UNC13C: variants seen among roughly 807,000 people sequenced by gnomAD.
The protein encoded by UNC13C is protein unc-13 homolog C.
In UNC13C, 174 loss-of-function variants were observed where a neutral mutation model predicts 245.4. The ratio of observed to expected loss-of-function variants is 0.71; its 90% CI spans 0.63 to 0.80. The LOEUF (loss-of-function observed/expected upper bound fraction) is 0.80, where lower values mean the gene tolerates loss of function less well. UNC13C is among the 30% of genes least tolerant of loss of function. The pLI is 0.00. For synonymous variants in UNC13C, 992 were observed against 895.1 expected, an observed-to-expected ratio of 1.11 and a Z score of -1.93; for missense variants, 2,829 against 2,602.9, an observed-to-expected ratio of 1.09 and a Z score of -1.89.
chr15:54,312,043 G>A (rs1177530468), intron 13 of UNC13C, among the ~76,000 whole-genome samples: 3 of 151,570 alleles, frequency 2.0e-5, no homozygotes, highest in Non-Finnish European at 4.4e-5. Context: ...TCTGGTTAGG[G>A]TAATAAAACA....
At chr15:54,121,345 A>G (rs1000878124) in intron 2 of UNC13C, among the ~76,000 whole-genome samples, 6 of 152,146 alleles carry the variant, frequency 3.9e-5, no homozygotes, top group African/African-American at 1.4e-4. Context: ...TTTTAGCAAT[A>G]AAGTATTTTT....
intron 14 of UNC13C, among the ~76,000 whole-genome samples, chr15:54,322,364 G>A (rs562651033): frequency 5.9e-5 from 9 of 152,106 alleles, no homozygotes; most frequent in African/African-American, 2.2e-4. Context: ...AGAATGCTGG[G>A]ACTTTATAGG....
chr15:54,494,794 C>T, intron 20 of UNC13C, 60 bp downstream of exon 20: 1 of 1,570,986 alleles, frequency 6.4e-7, no homozygotes, highest in South Asian at 1.2e-5. Flanking sequence ...TGTAAAATTA[C>T]ACCTGAATTG....
At chr15:54,242,313 A>T (rs2035875241) in intron 7 of UNC13C, among the ~76,000 whole-genome samples, 1 of 152,142 alleles carries the variant, frequency 6.6e-6, no homozygotes, top group Non-Finnish European at 1.5e-5. Context: ...CTGTTGAATC[A>T]ACTTATTTAA....
At chr15:54,189,112 A>G (rs1375634780) in intron 4 of UNC13C, among the ~76,000 whole-genome samples, 1 of 152,164 alleles carries the variant, frequency 6.6e-6, no homozygotes. Context: ...AGCAAGGATA[A>G]CTCATTGCCT....
At chr15:54,179,986 T>A (rs1223191360) in intron 4 of UNC13C, among the ~76,000 whole-genome samples, 1 of 152,122 alleles carries the variant, frequency 6.6e-6, no homozygotes, top group Non-Finnish European at 1.5e-5. Context: ...ATGATATCTT[T>A]AAGTGCTAAA....
intron 10 of UNC13C, among the ~76,000 whole-genome samples, chr15:54,270,284 C>A (rs187419558): frequency 1.3e-5 from 2 of 152,284 alleles, no homozygotes; most frequent in East Asian, 3.9e-4. Context: ...CAGATGAACT[C>A]ATCCATACCT....
At chr15:54,589,177 G>A (rs1256046956) in intron 30 of UNC13C, among the ~76,000 whole-genome samples, 3 of 150,992 alleles carry the variant, frequency 2.0e-5, no homozygotes, top group African/African-American at 7.3e-5. Context: ...GGCCATTCTT[G>A]CAAGAGTAAG....
At chr15:54,173,360 G>A (rs12591970) in intron 4 of UNC13C, among the ~76,000 whole-genome samples, 21,891 of 151,916 alleles carry the variant, frequency 0.14, 3,057 homozygotes, top group African/African-American at 0.36. Context: ...AACATGTAAT[G>A]TGTCTCCATT....
At chr15:54,308,943 T>A (rs1362051900) in intron 13 of UNC13C, among the ~76,000 whole-genome samples, 2 of 151,912 alleles carry the variant, frequency 1.3e-5, no homozygotes, top group Non-Finnish European at 2.9e-5. Flanking sequence ...ATCTCGGCTA[T>A]TGTGAGTAAT....
rs1895574660 is a variant in UNC13C, at chr15:54,014,971, G to C, written c.2068G>C (p.Val690Leu). 6.2e-7 allele frequency: 1 copy of C among 1,613,666 alleles called. No homozygotes were observed. The highest frequency in any genetic ancestry group is 1.7e-5 in the Admixed American group (1 of 59,928). The change falls in exon 2 of 33, where the codon GTT becomes CTT. Residue 690 changes from valine to leucine, a missense_variant. By Grantham distance (32) the Val-to-Leu change is conservative. Transcript: ENST00000260323. ...CAGTCTTTTTGACCAACAGCTTGAT[G>C]TTTACAATAAAGACCTAGAATACTT... Reference protein sequence around the residue: ...TNSLFDQQLDVYNKDLEYLGK... With the variant: ...TNSLFDQQLDLYNKDLEYLGK...
intron 17 of UNC13C, among the ~76,000 whole-genome samples, chr15:54,375,398 G>A (rs1369030298): frequency 6.6e-6 from 1 of 152,170 alleles, no homozygotes; most frequent in Non-Finnish European, 1.5e-5. Flanking sequence ...TAATGCTATT[G>A]TTTAATGCTT....
chr15:54,073,958 C>T (rs975027837), intron 2 of UNC13C, among the ~76,000 whole-genome samples: 1 of 152,184 alleles, frequency 6.6e-6, no homozygotes, highest in Non-Finnish European at 1.5e-5. Context: ...TTGCCCATGC[C>T]TATGTCCAGA....
At chr15:54,181,566 T>C (rs1386339155) in intron 4 of UNC13C, among the ~76,000 whole-genome samples, 1 of 152,074 alleles carries the variant, frequency 6.6e-6, no homozygotes, top group Non-Finnish European at 1.5e-5. Context: ...AGAGTAGTTT[T>C]TTCTAGGTCT....
intron 13 of UNC13C, among the ~76,000 whole-genome samples, chr15:54,305,704 C>A (rs754712064): frequency 4.6e-5 from 7 of 151,908 alleles, no homozygotes; most frequent in Non-Finnish European, 8.8e-5. Context: ...GAAGTACTTC[C>A]TCTTAATTCT....
chr15:54,071,884 G>A (rs745883865), intron 2 of UNC13C, among the ~76,000 whole-genome samples: 5 of 151,992 alleles, frequency 3.3e-5, no homozygotes, highest in Admixed American at 6.6e-5. Context: ...CTGACCCCTG[G>A]CCTGACTTAC....
At chr15:54,527,014 G>T (rs1484086799) in intron 25 of UNC13C, among the ~76,000 whole-genome samples, 2 of 152,124 alleles carry the variant, frequency 1.3e-5, no homozygotes, top group African/African-American at 2.4e-5. Flanking sequence ...AAGCAAGGTG[G>T]CCTTGTCTTC....
chr15:54,053,133 G>A (rs1458243396), intron 2 of UNC13C, among the ~76,000 whole-genome samples: 1 of 152,094 alleles, frequency 6.6e-6, no homozygotes, highest in Non-Finnish European at 1.5e-5. Context: ...CTGATAGAAG[G>A]GACTACAGGT....
chr15:53,856,962 C>G, the UNC13C span, among the ~76,000 whole-genome samples: 1 of 152,056 alleles, frequency 6.6e-6, no homozygotes, highest in African/African-American at 2.4e-5. Context: ...CTGGGTGCTC[C>G]TGTATTGGGT....
Sources: allele counts gnomAD v4.1 joint callset (sites outside exome capture counted in the v4.1 genomes callset), GRCh38; gene constraint gnomAD v4.1.1; transcripts MANE v1.5; gene names NCBI Gene and HGNC (gene_info 2026-07-23, HGNC 2026-07-21).